SLC44A1: variants seen among roughly 807,000 people sequenced by gnomAD.
SLC44A1 encodes choline transporter-like protein 1.
A neutral mutation model predicts 79.3 loss-of-function variants in SLC44A1; 26 were observed. The ratio of observed to expected loss-of-function variants is 0.33; its 90% confidence interval spans 0.24 to 0.46. SLC44A1 has a LOEUF of 0.46. Ranked by LOEUF, SLC44A1 falls within the 20% of genes least tolerant of loss-of-function variation. The pLI is 1.00. For missense variants in SLC44A1, 688 were observed against 798.1 expected, an observed-to-expected ratio of 0.86 and a Z score of 1.66; for synonymous variants, 263 against 286.2, an observed-to-expected ratio of 0.92 and a Z score of 0.82.
chr9:105,258,915 G>A (rs1829776936), intron 1 of SLC44A1, among the ~76,000 whole-genome samples: 1 of 151,578 alleles, frequency 6.6e-6, no homozygotes, highest in Admixed American at 6.6e-5. Context: ...ATGTTGGCCA[G>A]GCTGGTCTCA....
At chr9:105,385,857 G>C (rs1828613722) in intron 15 of SLC44A1, 6 of 985,244 alleles carry the variant, frequency 6.1e-6, no homozygotes. Flanking sequence ...GTGTACACTT[G>C]AACTGACGGT....
chr9:105,315,476 A>G (rs987157953), intron 3 of SLC44A1, among the ~76,000 whole-genome samples: 1 of 152,132 alleles, frequency 6.6e-6, no homozygotes, highest in Admixed American at 6.5e-5. Context: ...TTAAAGTCAT[A>G]GTCCTGTATC....
intron 3 of SLC44A1, among the ~76,000 whole-genome samples, chr9:105,323,742 A>G (rs1230362764): frequency 6.6e-6 from 1 of 152,164 alleles, no homozygotes; most frequent in Admixed American, 6.5e-5. Context: ...ATTGATTCTC[A>G]CTATCCCTGG....
intron 8 of SLC44A1, among the ~76,000 whole-genome samples, chr9:105,362,062 G>A (rs1827797710): frequency 6.6e-6 from 1 of 150,384 alleles, no homozygotes; most frequent in African/African-American, 2.4e-5. Context: ...GCGTGTGTGT[G>A]CGCGCGCGCG....
At chr9:105,302,348 CT>C (rs1317229799) in intron 2 of SLC44A1, among the ~76,000 whole-genome samples, 2 of 151,724 alleles carry the variant, frequency 1.3e-5, no homozygotes, top group Non-Finnish European at 2.9e-5. Flanking sequence ...GGGATCTCTT[CT>C]TTTTTTTCTT....
At chr9:105,349,444 T>C (rs1391707194) in intron 5 of SLC44A1, among the ~76,000 whole-genome samples, 1 of 152,242 alleles carries the variant, frequency 6.6e-6, no homozygotes, top group African/African-American at 2.4e-5. Context: ...AAAAAAGATA[T>C]ATCAGTTAAA....
chr9:105,336,100 C>T (rs1345485475), intron 4 of SLC44A1, among the ~76,000 whole-genome samples: 1 of 150,650 alleles, frequency 6.6e-6, no homozygotes, highest in Non-Finnish European at 1.5e-5. Context: ...TATGTTGAAA[C>T]AATATATATA....
chr9:105,363,926 CT>C (rs1274128059), intron 9 of SLC44A1, among the ~76,000 whole-genome samples: 1 of 152,186 alleles, frequency 6.6e-6, no homozygotes, highest in Non-Finnish European at 1.5e-5. Flanking sequence ...TGCAATGTCA[CT>C]CAGGAGTTAC....
intron 15 of SLC44A1, among the ~76,000 whole-genome samples, chr9:105,414,896 G>A (rs141067912): frequency 2.3e-3 from 345 of 152,276 alleles, no homozygotes; most frequent in South Asian, 0.019. Context: ...TTAGGGATCT[G>A]TTTATTGGCA....
intron 1 of SLC44A1, among the ~76,000 whole-genome samples, chr9:105,294,149 C>CA (rs941424262): frequency 6.6e-5 from 10 of 151,814 alleles, no homozygotes; most frequent in African/African-American, 2.2e-4. Context: ...TATATGTGTG[C>CA]AAAAAAAGCC....
At chr9:105,309,641 A>G in intron 2 of SLC44A1, 83 bp from the exon 3 acceptor site, 1 of 1,288,024 alleles carries the variant, frequency 7.8e-7, no homozygotes, top group South Asian at 1.3e-5. Flanking sequence ...CAGCAGACAA[A>G]AAGAAGCTCA....
chr9:105,380,675 G>A (rs954864310), intron 13 of SLC44A1, among the ~76,000 whole-genome samples: 5 of 152,046 alleles, frequency 3.3e-5, no homozygotes, highest in Non-Finnish European at 2.9e-5. Context: ...AAATATAATA[G>A]AAGTCCCAGG....
intron 1 of SLC44A1, among the ~76,000 whole-genome samples, chr9:105,256,350 G>A (rs1367911292): frequency 6.6e-6 from 1 of 152,036 alleles, no homozygotes; most frequent in Non-Finnish European, 1.5e-5. Flanking sequence ...GTGAGACAGA[G>A]TATCATTTAA....
intron 1 of SLC44A1, among the ~76,000 whole-genome samples, chr9:105,250,283 A>AACTT (rs1829553779): frequency 6.6e-6 from 1 of 152,194 alleles, no homozygotes; most frequent in Admixed American, 6.5e-5. Flanking sequence ...TACAGTTGCC[A>AACTT]TCTGGAGAGT....
intron 1 of SLC44A1, among the ~76,000 whole-genome samples, chr9:105,298,034 CAGGGGGGT>C (rs1830775357): frequency 1.3e-5 from 2 of 151,794 alleles, no homozygotes; most frequent in East Asian, 3.9e-4. Flanking sequence ...TTAGAAAGCT[CAGGGGGGT>C]TATTTCAGTT....
intron 5 of SLC44A1, among the ~76,000 whole-genome samples, chr9:105,352,334 T>C (rs1214324358): frequency 1.3e-5 from 2 of 152,198 alleles, no homozygotes; most frequent in Non-Finnish European, 2.9e-5. Context: ...ACCCCTGCCT[T>C]CTTGTGAAGG....
At chr9:105,299,454 C>T (rs914207682) in intron 2 of SLC44A1, 145 bp downstream of exon 2, 1 of 566,334 alleles carries the variant, frequency 1.8e-6, no homozygotes, top group Non-Finnish European at 2.9e-6. Flanking sequence ...TGTTTTTCTA[C>T]ATGAAAACTG....
rs1830101324 is a variant in SLC44A1, at chr9:105,272,551, A to AG, written c.37-26668dup. On this transcript the variant is annotated intron_variant, in intron 1 of 15. Transcript: ENST00000374720. ...TTATATACCTTTGAGAAAGGCTGAG[A>AG]GAAAAAAAAAAAAGCCGTATGTATT... Among the ~76,000 whole-genome samples, 3 of 151,704 alleles carry AG rather than the reference A, an allele frequency of 2.0e-5. No homozygotes were observed. The South Asian group carries it at 6.3e-4, about 32-fold the overall frequency.
downstream of SLC44A1, among the ~76,000 whole-genome samples, chr9:105,399,765 A>G (rs1200578075): frequency 6.6e-6 from 1 of 152,176 alleles, no homozygotes; most frequent in Non-Finnish European, 1.5e-5. Flanking sequence ...CAGGGGCTCA[A>G]GCAATGCATG....
Sources: gnomAD v4.1 joint callset for allele counts (sites outside exome capture counted in the v4.1 genomes callset) on GRCh38, gnomAD v4.1.1 for gene constraint, MANE v1.5 for transcripts, NCBI Gene and HGNC (gene_info 2026-07-23, HGNC 2026-07-21) for gene names.